TBC1D4: variants seen among roughly 807,000 people sequenced by gnomAD.
TBC1D4 encodes TBC1 domain family member 4, also known as TBC (Tre-2, BUB2, CDC16) domain-containing protein.
Under a neutral mutation model 142.5 loss-of-function variants are expected in TBC1D4, and 121 were observed. The observed-to-expected ratio is 0.85, with a 90% CI of 0.73 to 0.99. The LOEUF (loss-of-function observed/expected upper bound fraction) is 0.99, where lower values mean the gene tolerates loss of function less well. Among genes scored for constraint, TBC1D4 ranks in the 50% least tolerant of loss-of-function variants. TBC1D4 has a pLI of 0.00. For synonymous variants in TBC1D4, 630 were observed against 628.2 expected (o/e 1.00, Z -0.04); for missense variants, 1,475 against 1,606.6 (o/e 0.92, Z 1.40).
At chr13:75,361,316 T>G (rs78834373) in intron 2 of TBC1D4, among the ~76,000 whole-genome samples, 2,194 of 152,288 alleles carry the variant, frequency 0.014, 53 homozygotes, top group African/African-American at 0.05. Flanking sequence ...AGAAAAAAAG[T>G]CCCTTGTTTC....
chr13:75,398,330 G>A (rs1421581691), intron 1 of TBC1D4, among the ~76,000 whole-genome samples: 1 of 152,170 alleles, frequency 6.6e-6, no homozygotes, highest in Non-Finnish European at 1.5e-5. Flanking sequence ...TCTAAAACAT[G>A]TGGAATTGGC....
intron 1 of TBC1D4, among the ~76,000 whole-genome samples, chr13:75,417,220 G>T (rs1470181080): frequency 1.3e-5 from 2 of 152,118 alleles, no homozygotes; most frequent in African/African-American, 4.8e-5. Context: ...GCTGAAATGG[G>T]GCTCACAGCA....
intron 1 of TBC1D4, among the ~76,000 whole-genome samples, chr13:75,399,205 G>A (rs145160735): frequency 3.1e-3 from 473 of 152,216 alleles, no homozygotes; most frequent in African/African-American, 0.011. Context: ...CTATAGGCAG[G>A]AAGCATGCTA....
chr13:75,327,540 TA>T (rs1336917860), intron 9 of TBC1D4, among the ~76,000 whole-genome samples: 3 of 152,200 alleles, frequency 2.0e-5, no homozygotes, highest in African/African-American at 7.2e-5. Flanking sequence ...CTCCAAACAA[TA>T]AAAAGCCTAA....
intron 17 of TBC1D4, among the ~76,000 whole-genome samples, chr13:75,295,743 T>C (rs1024379866): frequency 1.3e-5 from 2 of 152,244 alleles, no homozygotes; most frequent in African/African-American, 4.8e-5. Context: ...TCTGTGATAC[T>C]ACAGATAAAG....
Position 75,356,187 on chromosome 13 carries a change from T to C in TBC1D4, c.1235A>G (p.Gln412Arg), listed in dbSNP as rs1207796224. 1.9e-6 allele frequency: 3 copies of C among 1,613,718 alleles called. No individual in the cohort carries two copies. Among genetic ancestry groups the C allele is most frequent in the Non-Finnish European group, 2.5e-6 (3 of 1,179,772 alleles). ...ACACTGGAATACATAACAAATATACTGGCTAAGTCCAGGCTCTGGAGACTC... is the reference window on the plus strand; with the variant it reads ...ACACTGGAATACATAACAAATATACCGGCTAAGTCCAGGCTCTGGAGACTC... ...CRESPEPGLS[Q>R]YICYVFQCAS... The change falls in exon 4 of 21, where the codon CAG becomes CGG. Residue 412 changes from glutamine to arginine, a missense_variant. Around this residue, in one of 2 missense-constraint regions of TBC1D4, gnomAD observed 1,227 missense variants for 1,267.7 expected, o/e 0.97. Coordinates refer to ENST00000377636, the MANE Select transcript of TBC1D4 (RefSeq NM_014832.5).
chr13:75,380,905 A>C (rs887749861), intron 1 of TBC1D4, among the ~76,000 whole-genome samples: 3 of 152,078 alleles, frequency 2.0e-5, no homozygotes, highest in African/African-American at 7.2e-5. Flanking sequence ...TCTCTGTAAC[A>C]TCTACTATGC....
At position 75,356,243 on chromosome 13, in the gene TBC1D4, C is replaced by T. The variant is rs1275333806; in HGVS notation, c.1179G>A (p.Lys393=). Residue 393 remains lysine, a synonymous_variant, in exon 4 of 21, where the codon AAG becomes AAA. Coordinates refer to ENST00000377636, the MANE Select transcript of TBC1D4 (RefSeq NM_014832.5). ...KDISSCSQGI[K]HVDHFGFICR... ...AGATAAAGCCAAAGTGATCCACATG[C>T]TTTATACCCTAGATGGAGGGGAAGA... The T allele has an allele frequency of 1.2e-6, 2 of 1,611,294 alleles. No homozygotes were observed. Among genetic ancestry groups the T allele is most frequent in the Admixed American group, 1.7e-5 (1 of 59,906 alleles).
At chr13:75,391,278 A>C (rs1202101853) in intron 1 of TBC1D4, among the ~76,000 whole-genome samples, 3 of 151,420 alleles carry the variant, frequency 2.0e-5, no homozygotes, top group African/African-American at 7.3e-5. Context: ...TCCTTTTCTA[A>C]CTACTACGCC....
chr13:75,397,165 C>A (rs1286488324), intron 1 of TBC1D4, among the ~76,000 whole-genome samples: 2 of 151,974 alleles, frequency 1.3e-5, no homozygotes, highest in Non-Finnish European at 2.9e-5. Flanking sequence ...AAATGGTAAG[C>A]AGAAACTCCA....
At chr13:75,465,801 T>G (rs1888142400) in intron 1 of TBC1D4, among the ~76,000 whole-genome samples, 2 of 152,148 alleles carry the variant, frequency 1.3e-5, no homozygotes. Flanking sequence ...ACCTAGAGAT[T>G]TTACCTGCAT....
intron 1 of TBC1D4, among the ~76,000 whole-genome samples, chr13:75,444,170 G>A (rs949378284): frequency 6.6e-6 from 1 of 152,192 alleles, no homozygotes. Flanking sequence ...TTGCGAAAGC[G>A]GAGCGCAGTC....
At chr13:75,360,295 TAAC>T (rs1275431007) in intron 2 of TBC1D4, among the ~76,000 whole-genome samples, 2 of 152,102 alleles carry the variant, frequency 1.3e-5, no homozygotes, top group South Asian at 2.1e-4. Flanking sequence ...TCAGAAAAAT[TAAC>T]AACAAGGACT....
At chr13:75,304,582 T>A (rs1210257908) in intron 15 of TBC1D4, among the ~76,000 whole-genome samples, 4 of 152,100 alleles carry the variant, frequency 2.6e-5, no homozygotes, top group Non-Finnish European at 4.4e-5. Context: ...AATGAACTGA[T>A]TTTGGTCGGG....
At chr13:75,304,936 G>C (rs1877013778) in intron 15 of TBC1D4, among the ~76,000 whole-genome samples, 1 of 151,998 alleles carries the variant, frequency 6.6e-6, no homozygotes, top group South Asian at 2.1e-4. Context: ...GGAGGAAGTA[G>C]ATATTATAGA....
intron 1 of TBC1D4, among the ~76,000 whole-genome samples, chr13:75,399,766 T>C (rs777409644): frequency 6.6e-6 from 1 of 152,244 alleles, no homozygotes; most frequent in African/African-American, 2.4e-5. Context: ...TCTGGCCCTG[T>C]GGCTGCTCTG....
intron 1 of TBC1D4, among the ~76,000 whole-genome samples, chr13:75,383,108 G>A (rs1354485884): frequency 1.3e-5 from 2 of 152,182 alleles, no homozygotes; most frequent in Non-Finnish European, 2.9e-5. Context: ...GCTCACTTGA[G>A]GCCAGGAGTT....
At chr13:75,386,646 C>A (rs905160183) in intron 1 of TBC1D4, among the ~76,000 whole-genome samples, 3 of 151,930 alleles carry the variant, frequency 2.0e-5, no homozygotes, top group Non-Finnish European at 4.4e-5. Flanking sequence ...CCTTGGCCTC[C>A]CAAAGTGCTG....
chr13:75,446,197 C>T (rs1041550491), intron 1 of TBC1D4, among the ~76,000 whole-genome samples: 2 of 152,178 alleles, frequency 1.3e-5, no homozygotes, highest in Non-Finnish European at 2.9e-5. Flanking sequence ...TCATGCTACC[C>T]ATATGCTATT....
Sources: gnomAD v4.1 joint callset for allele counts (sites outside exome capture counted in the v4.1 genomes callset) on GRCh38, gnomAD v4.1.1 for gene constraint, gnomAD v4.1.1 regional missense constraint, MANE v1.5 for transcripts, NCBI Gene and HGNC (gene_info 2026-07-23, HGNC 2026-07-21) for gene names.